SMPD3: variants seen among roughly 807,000 people sequenced by gnomAD.
The protein encoded by SMPD3 is nSMase-2.
SMPD3 carries 21 observed loss-of-function variants against 55.7 expected under a neutral mutation model. That is an observed-to-expected ratio of 0.38 (90% CI 0.27 to 0.54). SMPD3 has a LOEUF of 0.54. Among genes scored for constraint, SMPD3 ranks in the 20% least tolerant of loss-of-function variants. The pLI is 0.80. For missense variants in SMPD3, 842 were observed against 899.6 expected, an observed-to-expected ratio of 0.94 and a Z score of 0.82; for synonymous variants, 457 against 404.3, an observed-to-expected ratio of 1.13 and a Z score of -1.56.
chr16:68,365,511 C>T (rs997428602), intron 3 of SMPD3, among the ~76,000 whole-genome samples: 2 of 148,778 alleles, frequency 1.3e-5, no homozygotes, highest in Non-Finnish European at 3.0e-5. Context: ...GCTTTCTCCC[C>T]CTGAAATCTC....
At chr16:68,445,360 A>G (rs993899828) in intron 1 of SMPD3, among the ~76,000 whole-genome samples, 3 of 152,244 alleles carry the variant, frequency 2.0e-5, no homozygotes, top group Non-Finnish European at 4.4e-5. Flanking sequence ...TTGTCCTTAT[A>G]AATGGGTTTG....
intron 1 of SMPD3, among the ~76,000 whole-genome samples, chr16:68,438,566 C>A (rs561000848): frequency 6.6e-6 from 1 of 152,274 alleles, no homozygotes; most frequent in African/African-American, 2.4e-5. Flanking sequence ...GTCTGACATT[C>A]AAGGCTTTCT....
Position 68,361,119 on chromosome 16 carries a change from A to T in SMPD3, c.*87T>A, listed in dbSNP as rs192163816. The T allele has an allele frequency of 8.0e-7, 1 of 1,251,850 alleles. No individual in the cohort carries two copies. Among genetic ancestry groups the T allele is most frequent in the East Asian group, 2.5e-5 (1 of 39,808 alleles). The allele number at this position is 1,251,850 out of a possible 1,614,324, so 77.5% of individuals were successfully genotyped here. On this transcript the variant is annotated 3_prime_UTR_variant, in exon 9 of 9. Coordinates refer to ENST00000219334, the MANE Select transcript of SMPD3 (RefSeq NM_018667.4). ...CTCCCTGTCCCTGCCCTCCTCCCCC[A>T]AGCACCGGGCACTCGATGGAGGGGA...
chr16:68,379,443 T>G (rs765348564), intron 2 of SMPD3, among the ~76,000 whole-genome samples: 1 of 152,256 alleles, frequency 6.6e-6, no homozygotes, highest in Non-Finnish European at 1.5e-5. Context: ...CTGCCTCATC[T>G]CTAGGACGCT....
chr16:68,387,545 G>C (rs1276063209), intron 1 of SMPD3, among the ~76,000 whole-genome samples: 2 of 152,156 alleles, frequency 1.3e-5, no homozygotes, highest in Admixed American at 1.3e-4. Flanking sequence ...CTCTGAGCCC[G>C]TTGGCCCAGT....
chr16:68,363,808 C>G lies in SMPD3; in HGVS notation c.1614G>C (p.Leu538=). The G allele has an allele frequency of 6.4e-7, 1 of 1,571,132 alleles. No homozygotes were observed. Among genetic ancestry groups the G allele is most frequent in the Non-Finnish European group, 8.6e-7 (1 of 1,157,952 alleles). ...CCCACGGCTTCTCCTCACCAGGCCC[C>G]AGGCGGCAGGGGTCCCTGTAGTGGG... The part of the protein sequence containing the change: ...LFTHYRDPCR[L]GPGEEKPWAI... Residue 538 remains leucine, a synonymous_variant, in exon 6 of 9, where the codon CTG becomes CTC. Transcript: ENST00000219334.
intron 1 of SMPD3, among the ~76,000 whole-genome samples, chr16:68,390,377 C>G (rs1357380186): frequency 6.6e-6 from 1 of 152,170 alleles, no homozygotes; most frequent in African/African-American, 2.4e-5. Flanking sequence ...AATGCCTAAC[C>G]TAGGCTGGAT....
rs774937589 is a variant in SMPD3 at position 68,365,008 on chromosome 16, C to T, written c.1399+9G>A. On this transcript the variant is annotated intron_variant, in intron 4 of 8. Transcript: ENST00000219334. ...GCCTAGAAAAAACACAGGTGGGCGG[C>T]AACCCTACCTTGCGGGGCATGCAGG... The T allele has an allele frequency of 6.2e-6, 10 of 1,614,110 alleles. No individual in the cohort carries two copies. The highest frequency in any genetic ancestry group is 1.7e-4 in the Middle Eastern group (1 of 6,060).
At chr16:68,402,272 T>TG (rs1450052594) in intron 1 of SMPD3, among the ~76,000 whole-genome samples, 1 of 152,124 alleles carries the variant, frequency 6.6e-6, no homozygotes, top group Non-Finnish European at 1.5e-5. Flanking sequence ...CTCTATAAAA[T>TG]GGGGAAGGTA....
At chr16:68,416,964 C>T (rs1238141226) in intron 1 of SMPD3, among the ~76,000 whole-genome samples, 1 of 152,092 alleles carries the variant, frequency 6.6e-6, no homozygotes, top group African/African-American at 2.4e-5. Flanking sequence ...AAAAGCTGTA[C>T]CCAAGGGCTC....
At chr16:68,430,541 T>TCCTTA (rs886911029) in intron 1 of SMPD3, among the ~76,000 whole-genome samples, 25 of 152,342 alleles carry the variant, frequency 1.6e-4, no homozygotes, top group African/African-American at 4.6e-4. Flanking sequence ...CTGGTCTGGC[T>TCCTTA]CCTTACCCTT....
chr16:68,377,098 C>T (rs1422033019), intron 2 of SMPD3, among the ~76,000 whole-genome samples: 1 of 152,204 alleles, frequency 6.6e-6, no homozygotes, highest in Non-Finnish European at 1.5e-5. Flanking sequence ...CACAGAAGTC[C>T]CAGGATCCTG....
chr16:68,398,684 T>G (rs536641272), intron 1 of SMPD3, among the ~76,000 whole-genome samples: 1 of 152,258 alleles, frequency 6.6e-6, no homozygotes, highest in African/African-American at 2.4e-5. Flanking sequence ...GTTTTTGGTT[T>G]GCATTAGTTA....
chr16:68,441,014 T>G (rs2090561588), intron 1 of SMPD3, among the ~76,000 whole-genome samples: 1 of 152,258 alleles, frequency 6.6e-6, no homozygotes, highest in African/African-American at 2.4e-5. Flanking sequence ...ACTTAGCAAG[T>G]GTTTTCAATC....
chr16:68,386,258 A>G (rs2090051507), intron 2 of SMPD3, among the ~76,000 whole-genome samples: 1 of 151,592 alleles, frequency 6.6e-6, no homozygotes, highest in African/African-American at 2.4e-5. Context: ...GGGCAGTGGT[A>G]TCTGGTTACA....
chr16:68,403,677 T>C (rs923070124), intron 1 of SMPD3, among the ~76,000 whole-genome samples: 2 of 152,246 alleles, frequency 1.3e-5, no homozygotes, highest in African/African-American at 4.8e-5. Context: ...TAATCCTTTA[T>C]GGAAAACAAA....
At chr16:68,402,600 T>A (rs953208474) in intron 1 of SMPD3, among the ~76,000 whole-genome samples, 7 of 151,796 alleles carry the variant, frequency 4.6e-5, no homozygotes, top group African/African-American at 1.5e-4. Context: ...TTGTCATGGC[T>A]TTATGTTCAG....
intron 1 of SMPD3, among the ~76,000 whole-genome samples, chr16:68,429,477 A>G (rs2090463351): frequency 6.6e-6 from 1 of 152,216 alleles, no homozygotes; most frequent in African/African-American, 2.4e-5. Context: ...ACAGCGCTTC[A>G]AGCCTCCTGT....
intron 1 of SMPD3, among the ~76,000 whole-genome samples, chr16:68,432,111 C>T (rs1465244901): frequency 1.3e-5 from 2 of 151,500 alleles, no homozygotes. Context: ...AAGACTCTGT[C>T]TCGCAAAAAA....
Sources: gnomAD v4.1 joint callset for allele counts (sites outside exome capture counted in the v4.1 genomes callset) on GRCh38, gnomAD v4.1.1 for gene constraint, MANE v1.5 for transcripts, NCBI Gene and HGNC (gene_info 2026-07-23, HGNC 2026-07-21) for gene names.